The following IGFBP2 variants were observed in gnomAD, a reference collection of about 807,000 sequenced individuals.
IGFBP2 encodes the protein insulin like growth factor binding protein 2.
Under a neutral mutation model 26.2 loss-of-function variants are expected in IGFBP2, and 12 were observed. The observed-to-expected ratio is 0.46, with a 90% CI of 0.29 to 0.74. The LOEUF (loss-of-function observed/expected upper bound fraction) is 0.74, where lower values mean the gene tolerates loss of function less well. IGFBP2 is among the 30% of genes least tolerant of loss of function. The pLI is 0.09. For synonymous variants in IGFBP2, 189 were observed against 200.6 expected (o/e 0.94, Z 0.49); for missense variants, 328 against 441.2 (o/e 0.74, Z 2.30).
At chr2:216,641,520 T>C (rs1697612688) in intron 1 of IGFBP2, among the ~76,000 whole-genome samples, 1 of 152,184 alleles carries the variant, frequency 6.6e-6, no homozygotes, top group African/African-American at 2.4e-5. Context: ...GAAATATCCA[T>C]ACCTCTCCAA....
intron 2 of IGFBP2, chr2:216,661,054 A>C: frequency 2.0e-6 from 1 of 494,834 alleles, no homozygotes; most frequent in Non-Finnish European, 3.6e-6. Flanking sequence ...ATAGACACAG[A>C]AAATGAATCC....
intron 1 of IGFBP2, among the ~76,000 whole-genome samples, chr2:216,634,302 G>A (rs1441790214): frequency 6.6e-6 from 1 of 152,060 alleles, no homozygotes; most frequent in Non-Finnish European, 1.5e-5. Flanking sequence ...ATCCATGGGA[G>A]TAGGAACTCG....
intron 1 of IGFBP2, among the ~76,000 whole-genome samples, chr2:216,641,058 G>A (rs1189905965): frequency 1.3e-5 from 2 of 152,192 alleles, no homozygotes; most frequent in Non-Finnish European, 2.9e-5. Context: ...TAATACTTCA[G>A]TAGTTAGTAA....
At chr2:216,651,391 A>G (rs1324427238) in intron 1 of IGFBP2, among the ~76,000 whole-genome samples, 1 of 152,218 alleles carries the variant, frequency 6.6e-6, no homozygotes, top group Non-Finnish European at 1.5e-5. Flanking sequence ...TGTTTCTTGT[A>G]TGTGCTGGCG....
intron 1 of IGFBP2, among the ~76,000 whole-genome samples, chr2:216,648,757 C>T (rs554742661): frequency 6.6e-6 from 1 of 152,088 alleles, no homozygotes; most frequent in East Asian, 1.9e-4. Context: ...TACAGGCATG[C>T]ACCACCATGC....
chr2:216,634,906 T>TTTTTTTTTTTTTAA (rs371560018), intron 1 of IGFBP2, among the ~76,000 whole-genome samples: 4 of 128,490 alleles, frequency 3.1e-5, no homozygotes, highest in Non-Finnish European at 4.9e-5. Flanking sequence ...TTTTTTTTTT[T>TTTTTTTTTTTTTAA]AATTACGAAA....
intron 1 of IGFBP2, chr2:216,659,786 G>A: frequency 6.7e-7 from 1 of 1,502,192 alleles, no homozygotes; most frequent in Non-Finnish European, 9.0e-7. Context: ...CATAGTTCCT[G>A]TTCTTGGGGC....
At chr2:216,643,242 G>T (rs1697650427) in intron 1 of IGFBP2, among the ~76,000 whole-genome samples, 1 of 152,180 alleles carries the variant, frequency 6.6e-6, no homozygotes, top group Non-Finnish European at 1.5e-5. Context: ...TTACTCCTGA[G>T]TTGGGGAGCA....
At chr2:216,653,325 A>G (rs1361488284) in intron 1 of IGFBP2, among the ~76,000 whole-genome samples, 1 of 152,206 alleles carries the variant, frequency 6.6e-6, no homozygotes, top group Non-Finnish European at 1.5e-5. Context: ...CAAGAGTTTG[A>G]TTTGTTGAGT....
At chr2:216,639,401 T>A (rs376843332) in intron 1 of IGFBP2, among the ~76,000 whole-genome samples, 5 of 152,086 alleles carry the variant, frequency 3.3e-5, no homozygotes, top group African/African-American at 1.2e-4. Context: ...GGAGAACAGG[T>A]AAATACCTAT....
chr2:216,644,810 A>G (rs1697679626), intron 1 of IGFBP2, among the ~76,000 whole-genome samples: 1 of 152,214 alleles, frequency 6.6e-6, no homozygotes, highest in African/African-American at 2.4e-5. Flanking sequence ...TAACAAATGA[A>G]GAAATCAAGG....
At chr2:216,654,072 T>C (rs1314081926) in intron 1 of IGFBP2, among the ~76,000 whole-genome samples, 1 of 152,148 alleles carries the variant, frequency 6.6e-6, no homozygotes, top group Non-Finnish European at 1.5e-5. Context: ...TTAACTCTCT[T>C]AGGCAGAAAA....
chr2:216,657,757 G>A (rs1273034101), intron 1 of IGFBP2, among the ~76,000 whole-genome samples: 3 of 152,300 alleles, frequency 2.0e-5, no homozygotes, highest in South Asian at 2.1e-4. Flanking sequence ...TTTTCCTGCC[G>A]GTGGTGCTGG....
intron 1 of IGFBP2, among the ~76,000 whole-genome samples, chr2:216,649,454 C>T (rs1197974486): frequency 6.6e-6 from 1 of 152,176 alleles, no homozygotes; most frequent in Non-Finnish European, 1.5e-5. Flanking sequence ...ACATTCTTCC[C>T]ATTCCCATAG....
At chr2:216,638,149 C>G (rs1325508595) in intron 1 of IGFBP2, among the ~76,000 whole-genome samples, 1 of 151,936 alleles carries the variant, frequency 6.6e-6, no homozygotes, top group Non-Finnish European at 1.5e-5. Context: ...GATTGCATCA[C>G]TGCTCTCCAG....
At chr2:216,658,097 T>C (rs1394109539) in intron 1 of IGFBP2, among the ~76,000 whole-genome samples, 1 of 152,178 alleles carries the variant, frequency 6.6e-6, no homozygotes, top group Non-Finnish European at 1.5e-5. Context: ...ACACACAAAA[T>C]GTACCCGGAG....
intron 1 of IGFBP2, among the ~76,000 whole-genome samples, chr2:216,638,247 G>T (rs1289294601): frequency 6.6e-6 from 1 of 151,932 alleles, no homozygotes; most frequent in Non-Finnish European, 1.5e-5. Flanking sequence ...GCTCACGCCT[G>T]TAATTCCAGC....
intron 3 of IGFBP2, chr2:216,662,293 A>G: frequency 2.4e-6 from 1 of 419,742 alleles, no homozygotes; most frequent in Non-Finnish European, 4.4e-6. Context: ...TAAACCAAGC[A>G]TCTTTGCTTT....
In IGFBP2 at chr2:216,661,848, G is replaced by C. The variant is rs372628273; in HGVS notation, c.673-10G>C. On this transcript the variant is annotated splice_polypyrimidine_tract_variant and intron_variant, in intron 2 of 3. Transcript: ENST00000233809. ...TCACTCCGGGCGTCCCCTGCTGTCT[G>C]TGCGTGCAGACTCCCTGCCAACAGG... The C allele has an allele frequency of 1.3e-5, 21 of 1,613,978 alleles. No homozygotes were observed. The highest frequency in any genetic ancestry group is 3.3e-5 in the Admixed American group (2 of 60,012).
Sources: gnomAD v4.1 joint callset for allele counts (sites outside exome capture counted in the v4.1 genomes callset) on GRCh38, gnomAD v4.1.1 for gene constraint, MANE v1.5 for transcripts, NCBI Gene and HGNC (gene_info 2026-07-23, HGNC 2026-07-21) for gene names.